The following OR5D13 variants were observed in gnomAD, a reference collection of about 807,000 sequenced individuals.
OR5D13 encodes the protein olfactory receptor 5D13.
For synonymous variants in OR5D13, 192 were observed against 134.3 expected, an observed-to-expected ratio of 1.43 and a Z score of -2.97; for missense variants, 470 against 372.1, an observed-to-expected ratio of 1.26 and a Z score of -2.16.
chr11:55,773,833 G>T lies in OR5D13; in HGVS notation c.396G>T (p.Leu132Phe). The T allele has an allele frequency of 6.2e-7, 1 of 1,613,860 alleles. No homozygotes were observed. Among genetic ancestry groups the T allele is most frequent in the Non-Finnish European group, 8.5e-7 (1 of 1,179,980 alleles). The change falls in exon 1 of 1, where the codon TTG (leucine) becomes TTT (phenylalanine). Residue 132 changes from leucine to phenylalanine, a missense_variant. Leu to Phe is a conservative substitution (Grantham distance 22, BLOSUM62 0). Coordinates refer to ENST00000623930, the MANE Select transcript of OR5D13 (RefSeq NM_001001967.1). ...YDRFVAVCKP[L>F]LYTTIMSQKL... Reference sequence around the variant, plus strand: ...GTTTTGTGGCAGTTTGTAAACCCTTGCTGTATACCACTATTATGTCTCAGA... The same window carrying T: ...GTTTTGTGGCAGTTTGTAAACCCTTTCTGTATACCACTATTATGTCTCAGA...
chr11:55,773,917 A>G lies in OR5D13; in HGVS notation c.480A>G (p.Ile160Met), dbSNP rs763881956. The G allele has an allele frequency of 6.2e-7, 1 of 1,612,806 alleles. No homozygotes were observed. Among genetic ancestry groups the G allele is most frequent in the Non-Finnish European group, 8.5e-7 (1 of 1,179,196 alleles). The part of the protein sequence containing the change: ...SYTWGIVCSL[I>M]LTYFLLDLSF... ...CATGGGGGATAGTGTGCTCCCTGAT[A>G]CTCACATATTTTCTTCTTGACTTAT... The change falls in exon 1 of 1, where the codon ATA (isoleucine) becomes ATG (methionine). Residue 160 changes from isoleucine (I) to methionine (M), a missense_variant. Physicochemically the swap from Ile to Met is conservative, Grantham distance 10 (BLOSUM62 1). Transcript: ENST00000623930.
chr11:55,774,121 G>A lies in OR5D13; in HGVS notation c.684G>A (p.Met228Ile). 2 of 1,613,704 alleles carry A rather than the reference G, an allele frequency of 1.2e-6. No individual in the cohort carries two copies. The highest frequency in any genetic ancestry group is 1.7e-6 in the Non-Finnish European group (2 of 1,179,958). ...TSYMLIFTTI[M>I]KMRSASGRQK... ...ATATGCTTATTTTCACTACCATTAT[G>A]AAGATGCGATCTGCAAGTGGGCGCC... Residue 228 changes from methionine (M) to isoleucine (I), a missense_variant, in exon 1 of 1, where the codon ATG becomes ATA. Coordinates refer to ENST00000623930, the MANE Select transcript of OR5D13 (RefSeq NM_001001967.1).
Position 55,773,790 on chromosome 11 carries a change from C to G in OR5D13, c.353C>G (p.Ala118Gly), listed in dbSNP as rs1373751793. The stretch of plus-strand genomic sequence containing the variant: ...GGAGTGACAGAAACTTTCATGTTAG[C>G]AGCGATGGCTTATGACCGTTTTGTG... ...IFGVTETFMLAAMAYDRFVAV... is the reference protein window; with the variant it reads ...IFGVTETFMLGAMAYDRFVAV... The change falls in exon 1 of 1, where the codon GCA (alanine) becomes GGA (glycine). Residue 118 changes from alanine to glycine, a missense_variant. Coordinates refer to ENST00000623930, the MANE Select transcript of OR5D13 (RefSeq NM_001001967.1). 4 of 1,613,656 alleles carry G rather than the reference C, an allele frequency of 2.5e-6. No individual in the cohort carries two copies. Among genetic ancestry groups the G allele is most frequent in the Non-Finnish European group, 3.4e-6 (4 of 1,179,794 alleles).
At position 55,773,530 on chromosome 11, in the gene OR5D13, G is replaced by A. The variant is rs1335517870; in HGVS notation, c.93G>A (p.Leu31=). 1.7e-5 allele frequency: 27 copies of A among 1,613,158 alleles called. No individual in the cohort carries two copies. Among genetic ancestry groups the A allele is most frequent in the Non-Finnish European group, 2.0e-5 (24 of 1,179,586 alleles). ...CAGAAATCCAGGTTCCACTCTTTCT[G>A]GTTTTCTTGTTCGTCTACACAGTCA... The part of the protein sequence containing the change: ...EYPEIQVPLF[L]VFLFVYTVTV... Residue 31 remains leucine (L), a synonymous_variant, in exon 1 of 1, where the codon CTG becomes CTA. Transcript: ENST00000623930.
rs1205807236 is a variant in OR5D13 at position 55,774,301 on chromosome 11, C to T, written c.864C>T (p.Asn288=). 2 of 1,612,032 alleles carry T rather than the reference C, an allele frequency of 1.2e-6. No homozygotes were observed. Among genetic ancestry groups the T allele is most frequent in the South Asian group, 1.1e-5 (1 of 90,728 alleles). The change falls in exon 1 of 1, where the codon AAC becomes AAT. Residue 288 remains asparagine (N), a synonymous_variant. Transcript: ENST00000623930. The part of the protein sequence containing the change: ...VFYTVAIPML[N]PLIYSLRNKD... ...ACACAGTGGCGATTCCAATGCTGAA[C>T]CCATTGATCTACAGCCTTAGGAACA...
rs369729738 is a variant in OR5D13 at position 55,774,143 on chromosome 11, C to A, written c.706C>A (p.Arg236Ser). 1.2e-6 allele frequency: 2 copies of A among 1,613,362 alleles called. No homozygotes were observed. Among genetic ancestry groups the A allele is most frequent in the African/African-American group, 2.7e-5 (2 of 74,720 alleles). ...TIMKMRSASG[R>S]QKTFSTCASH... ...TATGAAGATGCGATCTGCAAGTGGGCGCCAGAAAACTTTCTCCACCTGTGC... is the reference window on the plus strand; with the variant it reads ...TATGAAGATGCGATCTGCAAGTGGGAGCCAGAAAACTTTCTCCACCTGTGC... The change falls in exon 1 of 1, where the codon CGC becomes AGC. Residue 236 changes from arginine to serine, a missense_variant. By Grantham distance (110) the Arg-to-Ser change is moderately radical. Transcript: ENST00000623930.
At position 55,773,829 on chromosome 11, in the gene OR5D13, C is replaced by T. The variant is rs752297116; in HGVS notation, c.392C>T (p.Pro131Leu). The change falls in exon 1 of 1, where the codon CCC becomes CTC. Residue 131 changes from proline to leucine, a missense_variant. Coordinates refer to ENST00000623930, the MANE Select transcript of OR5D13 (RefSeq NM_001001967.1). Reference sequence around the variant, plus strand: ...GACCGTTTTGTGGCAGTTTGTAAACCCTTGCTGTATACCACTATTATGTCT... The same window carrying T: ...GACCGTTTTGTGGCAGTTTGTAAACTCTTGCTGTATACCACTATTATGTCT... ...AYDRFVAVCK[P>L]LLYTTIMSQK... 6.2e-7 allele frequency: 1 copy of T among 1,613,788 alleles called. No homozygotes were observed. The highest frequency in any genetic ancestry group is 1.1e-5 in the South Asian group (1 of 91,072).
In OR5D13 at chr11:55,773,842, C is replaced by T; in HGVS notation, c.405C>T (p.Thr135=). Residue 135 remains threonine, a synonymous_variant, in exon 1 of 1, where the codon ACC becomes ACT. Transcript: ENST00000623930. The stretch of plus-strand genomic sequence containing the variant: ...CAGTTTGTAAACCCTTGCTGTATAC[C>T]ACTATTATGTCTCAGAAGCTCTGTG... ...FVAVCKPLLY[T]TIMSQKLCAL... The T allele has an allele frequency of 1.2e-6, 2 of 1,613,836 alleles. No homozygotes were observed. The highest frequency in any genetic ancestry group is 1.1e-5 in the South Asian group (1 of 91,068).
chr11:55,773,536 C>T lies in OR5D13; in HGVS notation c.99C>T (p.Phe33=). The change falls in exon 1 of 1, where the codon TTC becomes TTT. Residue 33 remains phenylalanine (F), a synonymous_variant. Transcript: ENST00000623930. ...TCCAGGTTCCACTCTTTCTGGTTTT[C>T]TTGTTCGTCTACACAGTCACTGTAG... ...PEIQVPLFLV[F]LFVYTVTVVG... The T allele has an allele frequency of 6.2e-7, 1 of 1,613,228 alleles. No homozygotes were observed. Among genetic ancestry groups the T allele is most frequent in the Non-Finnish European group, 8.5e-7 (1 of 1,179,518 alleles).
At position 55,774,045 on chromosome 11, in the gene OR5D13, T is replaced by G; in HGVS notation, c.608T>G (p.Ile203Ser). The change falls in exon 1 of 1, where the codon ATT (isoleucine) becomes AGT (serine). Residue 203 changes from isoleucine to serine, a missense_variant. Coordinates refer to ENST00000623930, the MANE Select transcript of OR5D13 (RefSeq NM_001001967.1). ...DPYISQRLCF[I>S]IAIFNEVSSL... ...TATATCAGCCAGAGGCTATGCTTTATTATTGCCATATTCAATGAGGTGAGC... is the reference window on the plus strand; with the variant it reads ...TATATCAGCCAGAGGCTATGCTTTAGTATTGCCATATTCAATGAGGTGAGC... 1 of 1,613,730 alleles carries G rather than the reference T, an allele frequency of 6.2e-7. No homozygotes were observed. The highest frequency in any genetic ancestry group is 8.5e-7 in the Non-Finnish European group (1 of 1,179,858).
At position 55,773,637 on chromosome 11, in the gene OR5D13, A is replaced by ACTTGTCCCAGTC; in HGVS notation, c.207_208insCAGTCCTTGTCC (p.Ser69_Leu70insGlnSerLeuSer). The ACTTGTCCCAGTC allele has an allele frequency of 5.0e-6, 8 of 1,613,242 alleles. No homozygotes were observed. The highest frequency in any genetic ancestry group is 6.8e-6 in the Non-Finnish European group (8 of 1,179,584). The stretch of plus-strand genomic sequence containing the variant: ...ACAATCATGTGCTTTTTCCTTAGTC[A>ACTTGTCCCAGTC]CTTGTCCTTGACAGACTTCTGTTTT... On this transcript the variant is annotated inframe_insertion, in exon 1 of 1. Transcript: ENST00000623930.
chr11:55,773,841 C>G lies in OR5D13; in HGVS notation c.404C>G (p.Thr135Ser), dbSNP rs1441133944. The G allele has an allele frequency of 1.9e-6, 3 of 1,613,758 alleles. No individual in the cohort carries two copies. Among genetic ancestry groups the G allele is most frequent in the Non-Finnish European group, 2.5e-6 (3 of 1,179,984 alleles). ...FVAVCKPLLY[T>S]TIMSQKLCAL... ...GCAGTTTGTAAACCCTTGCTGTATACCACTATTATGTCTCAGAAGCTCTGT... is the reference window on the plus strand; with the variant it reads ...GCAGTTTGTAAACCCTTGCTGTATAGCACTATTATGTCTCAGAAGCTCTGT... The change falls in exon 1 of 1, where the codon ACC becomes AGC. Residue 135 changes from threonine (T) to serine (S), a missense_variant. Coordinates refer to ENST00000623930, the MANE Select transcript of OR5D13 (RefSeq NM_001001967.1).
At position 55,773,630 on chromosome 11, in the gene OR5D13, C is replaced by G. The variant is rs745364918; in HGVS notation, c.193C>G (p.Leu65Val). ...SKLHTIMCFF[L>V]SHLSLTDFCF... ...ACTCCATACAATCATGTGCTTTTTC[C>G]TTAGTCACTTGTCCTTGACAGACTT... The change falls in exon 1 of 1, where the codon CTT becomes GTT. Residue 65 changes from leucine (L) to valine (V), a missense_variant. Coordinates refer to ENST00000623930, the MANE Select transcript of OR5D13 (RefSeq NM_001001967.1). 1.9e-6 allele frequency: 3 copies of G among 1,613,154 alleles called. No homozygotes were observed. The South Asian group carries it at 3.3e-5, about 18-fold the overall frequency.
rs1385935352 is a variant in OR5D13, at chr11:55,774,320, A to G, written c.883A>G (p.Arg295Gly). ...PMLNPLIYSLRNKDINNMFEK... is the reference protein window; with the variant it reads ...PMLNPLIYSLGNKDINNMFEK... ...GCTGAACCCATTGATCTACAGCCTT[A>G]GGAACAAAGATATCAATAACATGTT... The change falls in exon 1 of 1, where the codon AGG (arginine) becomes GGG (glycine). Residue 295 changes from arginine to glycine, a missense_variant. Coordinates refer to ENST00000623930, the MANE Select transcript of OR5D13 (RefSeq NM_001001967.1). 1.3e-6 allele frequency: 2 copies of G among 1,598,836 alleles called. No homozygotes were observed. Among genetic ancestry groups the G allele is most frequent in the East Asian group, 2.2e-5 (1 of 44,792 alleles).
At position 55,774,266 on chromosome 11, in the gene OR5D13, T is replaced by C; in HGVS notation, c.829T>C (p.Ser277Pro). 1.2e-6 allele frequency: 2 copies of C among 1,613,116 alleles called. No individual in the cohort carries two copies. The highest frequency in any genetic ancestry group is 1.7e-6 in the Non-Finnish European group (2 of 1,179,308). Residue 277 changes from serine (S) to proline (P), a missense_variant, in exon 1 of 1, where the codon TCT (serine) becomes CCT (proline). By Grantham distance (74) the Ser-to-Pro change is moderately conservative (BLOSUM62 -1). Transcript: ENST00000623930. ...TTCTAGCCTCATAGTTACAGTGGCTTCTGTGTTTTACACAGTGGCGATTCC... is the reference window on the plus strand; with the variant it reads ...TTCTAGCCTCATAGTTACAGTGGCTCCTGTGTTTTACACAGTGGCGATTCC... Reference protein sequence around the residue: ...KTSSLIVTVASVFYTVAIPML... With the variant: ...KTSSLIVTVAPVFYTVAIPML...
chr11:55,773,779 T>C lies in OR5D13; in HGVS notation c.342T>C (p.Thr114=). 6.2e-7 allele frequency: 1 copy of C among 1,613,894 alleles called. No homozygotes were observed. The highest frequency in any genetic ancestry group is 8.5e-7 in the Non-Finnish European group (1 of 1,179,966). Residue 114 remains threonine (T), a synonymous_variant, in exon 1 of 1, where the codon ACT becomes ACC. Transcript: ENST00000623930. ...CFACIFGVTE[T]FMLAAMAYDR... is the part of the protein sequence containing the mutation. Reference sequence around the variant, plus strand: ...CTTGCATTTTTGGAGTGACAGAAACTTTCATGTTAGCAGCGATGGCTTATG... The same window carrying C: ...CTTGCATTTTTGGAGTGACAGAAACCTTCATGTTAGCAGCGATGGCTTATG...
rs772384847 is a variant in OR5D13, at chr11:55,774,289, T to A, written c.852T>A (p.Ile284=). The change falls in exon 1 of 1, where the codon ATT becomes ATA. Residue 284 remains isoleucine (I), a synonymous_variant. Coordinates refer to ENST00000623930, the MANE Select transcript of OR5D13 (RefSeq NM_001001967.1). ...TVASVFYTVA[I]PMLNPLIYSL... ...CTTCTGTGTTTTACACAGTGGCGATTCCAATGCTGAACCCATTGATCTACA... is the reference window on the plus strand; with the variant it reads ...CTTCTGTGTTTTACACAGTGGCGATACCAATGCTGAACCCATTGATCTACA... 6.2e-7 allele frequency: 1 copy of A among 1,613,548 alleles called. No homozygotes were observed. The highest frequency in any genetic ancestry group is 1.1e-5 in the South Asian group (1 of 91,064).
Position 55,774,001 on chromosome 11 carries a change from T to C in OR5D13, c.564T>C (p.Ser188=), listed in dbSNP as rs1430192185. ...TCTGTGACCACTCTGTAATTGTTTC[T>C]GCCTCCTACTCAGACCCCTATATCA... ...NFICDHSVIV[S]ASYSDPYISQ... The change falls in exon 1 of 1, where the codon TCT becomes TCC. Residue 188 remains serine (S), a synonymous_variant. Coordinates refer to ENST00000623930, the MANE Select transcript of OR5D13 (RefSeq NM_001001967.1). 6.2e-7 allele frequency: 1 copy of C among 1,613,538 alleles called. No individual in the cohort carries two copies. The highest frequency in any genetic ancestry group is 1.7e-5 in the Admixed American group (1 of 59,956).
At position 55,774,286 on chromosome 11, in the gene OR5D13, G is replaced by A. The variant is rs150209335; in HGVS notation, c.849G>A (p.Ala283=). The A allele has an allele frequency of 1.6e-4, 265 of 1,613,298 alleles. 1 individual carries two copies. The highest frequency in any genetic ancestry group is 1.2e-3 in the African/African-American group (93 of 74,842). Residue 283 remains alanine (A), a synonymous_variant, in exon 1 of 1, where the codon GCG becomes GCA. Transcript: ENST00000623930. ...TGGCTTCTGTGTTTTACACAGTGGC[G>A]ATTCCAATGCTGAACCCATTGATCT... The part of the protein sequence containing the change: ...VTVASVFYTV[A]IPMLNPLIYS...
Sources: allele counts gnomAD v4.1 joint callset, GRCh38; gene constraint gnomAD v4.1.1; transcripts MANE v1.5; gene names NCBI Gene and HGNC (gene_info 2026-07-23, HGNC 2026-07-21).